The following UCHL3 variants were observed in gnomAD, a reference collection of about 807,000 sequenced individuals.
UCHL3 encodes ubiquitin carboxyl-terminal hydrolase isozyme L3.
A neutral mutation model predicts 35.8 loss-of-function variants in UCHL3; 22 were observed. The observed-to-expected ratio is 0.61, with a 90% CI of 0.44 to 0.88. The LOEUF (loss-of-function observed/expected upper bound fraction) is 0.88, where lower values mean the gene tolerates loss of function less well. UCHL3 is among the 40% of genes least tolerant of loss of function. The pLI, the probability that UCHL3 is intolerant of heterozygous loss-of-function variation, is 0.00. For missense variants in UCHL3, 229 were observed against 276.9 expected (o/e 0.83, Z 1.23); for synonymous variants, 90 against 92.8 (o/e 0.97, Z 0.17).
chr13:75,574,589 C>T (rs2031966113), intron 6 of UCHL3, among the ~76,000 whole-genome samples: 1 of 152,150 alleles, frequency 6.6e-6, no homozygotes, highest in Non-Finnish European at 1.5e-5. Flanking sequence ...TGGCATTTAC[C>T]TTATGGGATT....
At chr13:75,550,568 C>T (rs2031054074) in intron 2 of UCHL3, among the ~76,000 whole-genome samples, 1 of 151,962 alleles carries the variant, frequency 6.6e-6, no homozygotes, top group Non-Finnish European at 1.5e-5. Flanking sequence ...GTTCCCACGC[C>T]ATTCTTTGCA....
intron 2 of UCHL3, among the ~76,000 whole-genome samples, chr13:75,550,590 T>C (rs1456278178): frequency 6.6e-6 from 1 of 152,162 alleles, no homozygotes; most frequent in African/African-American, 2.4e-5. Flanking sequence ...TCTATAGCAA[T>C]TTAAGTTCCT....
chr13:75,599,954 G>A (rs2032738104), intron 7 of UCHL3, among the ~76,000 whole-genome samples: 1 of 152,328 alleles, frequency 6.6e-6, no homozygotes, highest in South Asian at 2.1e-4. Context: ...AGTTCTTGAA[G>A]GAAATTAAAA....
At chr13:75,592,168 T>C (rs1034218805) in intron 6 of UCHL3, among the ~76,000 whole-genome samples, 13 of 151,684 alleles carry the variant, frequency 8.6e-5, no homozygotes, top group African/African-American at 1.7e-4. Flanking sequence ...TATATCTAAT[T>C]GATTTGTTAT....
intron 6 of UCHL3, among the ~76,000 whole-genome samples, chr13:75,590,962 G>A (rs924715144): frequency 3.9e-5 from 6 of 152,076 alleles, no homozygotes; most frequent in Admixed American, 3.3e-4. Context: ...TGATGTTTTG[G>A]ACTATTAAAG....
intron 3 of UCHL3, among the ~76,000 whole-genome samples, chr13:75,563,580 G>A (rs1692612989): frequency 6.6e-6 from 1 of 152,080 alleles, no homozygotes; most frequent in South Asian, 2.1e-4. Flanking sequence ...CAATAGTGAA[G>A]CAGATTAATA....
intron 6 of UCHL3, among the ~76,000 whole-genome samples, chr13:75,574,250 T>A (rs2031954731): frequency 6.6e-6 from 1 of 152,074 alleles, no homozygotes; most frequent in Non-Finnish European, 1.5e-5. Context: ...CAGAGAAGCC[T>A]TCTTTCATCA....
rs1472474777 is a variant in UCHL3 at position 75,560,697 on chromosome 13, T to C, written c.55-56T>C. The C allele has an allele frequency of 2.7e-6, 4 of 1,503,060 alleles. No individual in the cohort carries two copies. The African/African-American group carries it at 4.2e-5, about 16-fold the overall frequency. 93.1% of individuals were successfully genotyped at this position (1,503,060 alleles called of 1,614,324 possible). A position where few individuals can be genotyped will look rare whatever the true frequency, so the allele number is the denominator to read the frequency against. On this transcript the variant is annotated intron_variant, in intron 2 of 8. Coordinates refer to ENST00000377595, the MANE Select transcript of UCHL3 (RefSeq NM_006002.5). ...TTTAACACTATGTATAGTATACTAG[T>C]TTTCTTTTACCAACTAATGTTCCAT... is the stretch of plus-strand genomic sequence containing the variant.
intron 3 of UCHL3, 84 bp downstream of exon 3, chr13:75,560,965 C>G: frequency 1.5e-6 from 2 of 1,296,970 alleles, no homozygotes; most frequent in Non-Finnish European, 2.0e-6. Context: ...GTATCTCGCT[C>G]TGTTGCCTAG....
At chr13:75,550,850 T>C (rs1051811739) in intron 2 of UCHL3, among the ~76,000 whole-genome samples, 12 of 152,096 alleles carry the variant, frequency 7.9e-5, no homozygotes, top group African/African-American at 2.7e-4. Context: ...CTTAAAAATA[T>C]TGGTTTTTGG....
chr13:75,592,453 T>TATATAC (rs2032530276), intron 6 of UCHL3, among the ~76,000 whole-genome samples: 6 of 102,184 alleles, frequency 5.9e-5, no homozygotes, highest in Non-Finnish European at 1.1e-4. Flanking sequence ...TATATATATA[T>TATATAC]ATATATATAT....
chr13:75,581,422 T>G (rs2032181906), intron 6 of UCHL3, among the ~76,000 whole-genome samples: 1 of 150,274 alleles, frequency 6.7e-6, no homozygotes, highest in South Asian at 2.1e-4. Flanking sequence ...CGATCTTGGC[T>G]CCCTGTAGCC....
intron 6 of UCHL3, among the ~76,000 whole-genome samples, chr13:75,576,321 C>T (rs1031238198): frequency 3.9e-5 from 6 of 152,134 alleles, no homozygotes; most frequent in Non-Finnish European, 7.4e-5. Flanking sequence ...CGTCTGCCTC[C>T]CAGGTTCAAG....
Position 75,595,010 on chromosome 13 carries a change from G to A in UCHL3, c.550+20G>A, listed in dbSNP as rs766548631. 3 of 1,546,210 alleles carry A rather than the reference G, an allele frequency of 1.9e-6. No homozygotes were observed. In the South Asian group the frequency reaches 3.6e-5, roughly 18 times the overall value. ...AATTAGGTAAGAACTATTTTAATTTGTCCTGGGGAGAGAAATGGTAAATGG... is the reference window on the plus strand; with the variant it reads ...AATTAGGTAAGAACTATTTTAATTTATCCTGGGGAGAGAAATGGTAAATGG... On this transcript the variant is annotated intron_variant, in intron 7 of 8. Coordinates refer to ENST00000377595, the MANE Select transcript of UCHL3 (RefSeq NM_006002.5).
intron 6 of UCHL3, among the ~76,000 whole-genome samples, chr13:75,587,080 G>GTAAAAGCAGAAGTCAATGAAAT (rs1454722996): frequency 1.4e-5 from 2 of 147,694 alleles, no homozygotes; most frequent in African/African-American, 4.9e-5. Flanking sequence ...AATAACAAAG[G>GTAAAAGCAGAAGTCAATGAAAT]TAAAAGCAGA....
intron 3 of UCHL3, among the ~76,000 whole-genome samples, chr13:75,565,998 G>A (rs987889921): frequency 6.6e-6 from 1 of 152,176 alleles, no homozygotes; most frequent in South Asian, 2.1e-4. Context: ...ATAATGGTTA[G>A]TGTCAGTTAC....
chr13:75,561,540 CAA>C (rs2031494480), intron 3 of UCHL3, among the ~76,000 whole-genome samples: 1 of 150,004 alleles, frequency 6.7e-6, no homozygotes, highest in Non-Finnish European at 1.5e-5. Flanking sequence ...ACAGTTTTTT[CAA>C]TATATATATA....
At chr13:75,603,246 G>A (rs1460790209) in intron 7 of UCHL3, among the ~76,000 whole-genome samples, 1 of 152,130 alleles carries the variant, frequency 6.6e-6, no homozygotes, top group African/African-American at 2.4e-5. Context: ...TAAATTACAG[G>A]TGTGAGCCAC....
chr13:75,604,493 A>T lies in UCHL3; in HGVS notation c.551-276A>T, dbSNP rs1050546964. On this transcript the variant is annotated intron_variant, in intron 7 of 8. Coordinates refer to ENST00000377595, the MANE Select transcript of UCHL3 (RefSeq NM_006002.5). ...GATAATTTTTAAAAAACTGACAATA[A>T]TTTTGCGTATTATTTTCAGGAAACG... 5 of 301,276 alleles carry T rather than the reference A, an allele frequency of 1.7e-5. No individual in the cohort carries two copies. The South Asian group carries it at 7.8e-4, about 47-fold the overall frequency. 18.7% of individuals were successfully genotyped at this position (301,276 alleles called of 1,614,324 possible).
Sources: allele counts gnomAD v4.1 joint callset (sites outside exome capture counted in the v4.1 genomes callset), GRCh38; gene constraint gnomAD v4.1.1; transcripts MANE v1.5; gene names NCBI Gene and HGNC (gene_info 2026-07-23, HGNC 2026-07-21).